REPS1: variants seen among roughly 807,000 people sequenced by gnomAD.
REPS1 encodes the protein RALBP1 associated Eps domain containing 1.
REPS1 carries 39 observed loss-of-function variants against 100.9 expected under a neutral mutation model. That is an observed-to-expected ratio of 0.39 (90% CI 0.30 to 0.50). The LOEUF is 0.50. Among genes scored for constraint, REPS1 ranks in the 20% least tolerant of loss-of-function variants. REPS1 has a pLI of 0.86. For missense variants in REPS1, 821 were observed against 968.5 expected, an observed-to-expected ratio of 0.85 and a Z score of 2.02; for synonymous variants, 324 against 340.3, an observed-to-expected ratio of 0.95 and a Z score of 0.53.
intron 14 of REPS1, among the ~76,000 whole-genome samples, chr6:138,915,406 T>C (rs529028582): frequency 2.5e-4 from 37 of 150,064 alleles, no homozygotes; most frequent in Non-Finnish European, 4.9e-4. Flanking sequence ...AGAAAAGAAA[T>C]TGCCTCTCAT....
At position 138,967,262 on chromosome 6, in the gene REPS1, C is replaced by T. The variant is rs139938050; in HGVS notation, c.154-19349G>A. 8.3e-3 allele frequency among the ~76,000 whole-genome samples: 1,268 copies of T among 152,294 alleles called. 19 individuals are homozygous for T. The highest frequency in any genetic ancestry group is 0.029 in the African/African-American group (1,204 of 41,550). ...TTTTTTTCATTACCAATTACCCAGT[C>T]TATGGTATTCTGTTTAAAATAGCAA... On this transcript the variant is annotated intron_variant, in intron 1 of 19. Transcript: ENST00000450536.
chr6:138,914,685 T>C lies in REPS1; in HGVS notation c.1785+12A>G, dbSNP rs1319960256. The C allele has an allele frequency of 6.2e-7, 1 of 1,607,446 alleles. No individual in the cohort carries two copies. Among genetic ancestry groups the C allele is most frequent in the Non-Finnish European group, 8.5e-7 (1 of 1,173,972 alleles). ...CATGGGACATTTAGTAATAAATACC[T>C]TGGAGAATTACCTGTGAGGGCTGTG... On this transcript the variant is annotated intron_variant, in intron 15 of 19. Coordinates refer to ENST00000450536, the MANE Select transcript of REPS1 (RefSeq NM_001286611.2).
At position 138,926,411 on chromosome 6, in the gene REPS1, G is replaced by T; in HGVS notation, c.1328C>A (p.Pro443Gln). The T allele has an allele frequency of 6.2e-7, 1 of 1,609,732 alleles. No individual in the cohort carries two copies. The highest frequency in any genetic ancestry group is 8.5e-7 in the Non-Finnish European group (1 of 1,176,504). Reference protein sequence around the residue: ...TLTQFDSNIAPADPDTAIVHP... With the variant: ...TLTQFDSNIAQADPDTAIVHP... The stretch of plus-strand genomic sequence containing the variant: ...AAGTGATTGACTTACAGGATCAGCT[G>T]GTGCAATGTTAGAATCAAATTGGGT... The change falls in exon 10 of 20, where the codon CCA (proline) becomes CAA (glutamine). Residue 443 changes from proline to glutamine, a missense_variant. Around this residue, in one of 3 missense-constraint regions of REPS1, gnomAD observed 757 missense variants for 866.4 expected, o/e 0.87. Coordinates refer to ENST00000450536, the MANE Select transcript of REPS1 (RefSeq NM_001286611.2).
intron 1 of REPS1, among the ~76,000 whole-genome samples, chr6:138,967,054 T>C (rs1246789016): frequency 1.3e-5 from 2 of 152,224 alleles, no homozygotes; most frequent in Non-Finnish European, 2.9e-5. Flanking sequence ...GTGAATAGAT[T>C]AATGTAATTT....
chr6:138,984,884 AC>A (rs1247020280), intron 1 of REPS1, among the ~76,000 whole-genome samples: 1 of 152,174 alleles, frequency 6.6e-6, no homozygotes, highest in Non-Finnish European at 1.5e-5. Context: ...TATAGTGGCT[AC>A]CCAGCAGTCC....
At chr6:138,932,809 C>A (rs1452470957) in intron 8 of REPS1, among the ~76,000 whole-genome samples, 1 of 152,152 alleles carries the variant, frequency 6.6e-6, no homozygotes, top group Non-Finnish European at 1.5e-5. Context: ...CTTGTCATTT[C>A]AAGGAAAGCA....
At chr6:138,933,928 G>A (rs11967021) in intron 8 of REPS1, among the ~76,000 whole-genome samples, 35,920 of 151,838 alleles carry the variant, frequency 0.24, 5,097 homozygotes, top group African/African-American at 0.4. Flanking sequence ...TGAAATAAAC[G>A]ACGACGACAA....
chr6:138,917,612 C>G lies in REPS1; in HGVS notation c.1544G>C (p.Ser515Thr). 6.2e-7 allele frequency: 1 copy of G among 1,613,184 alleles called. No individual in the cohort carries two copies. The highest frequency in any genetic ancestry group is 8.5e-7 in the Non-Finnish European group (1 of 1,179,382). ...SGNTVADGYSSSDSFTSDPEQ... is the reference protein window; with the variant it reads ...SGNTVADGYSTSDSFTSDPEQ... ...TGGGTCAGAAGTAAAAGAGTCTGAA[C>G]TACTGTAACCATCTGCTGATAAATG... The change falls in exon 13 of 20, where the codon AGT becomes ACT. Residue 515 changes from serine to threonine, a missense_variant. Physicochemically the swap from Ser to Thr is moderately conservative, Grantham distance 58 (BLOSUM62 1). This residue lies in a region of REPS1 where 757 missense variants were observed against 866.4 expected (regional missense o/e 0.87). Coordinates refer to ENST00000450536, the MANE Select transcript of REPS1 (RefSeq NM_001286611.2).
rs1489909357 is a variant in REPS1 at position 138,987,868 on chromosome 6, C to G, written c.-186G>C. The G allele has an allele frequency of 3.6e-6, 2 of 557,242 alleles. No individual in the cohort carries two copies. Among genetic ancestry groups the G allele is most frequent in the Non-Finnish European group, 5.3e-6 (2 of 375,530 alleles). The allele number at this position is 557,242 out of a possible 1,614,324, so 34.5% of individuals were successfully genotyped here. A position where few individuals can be genotyped will look rare whatever the true frequency, so the allele number is the denominator to read the frequency against. Reference sequence around the variant, plus strand: ...GCCCGGAGGTCGCGAGGAGGGGGCCCGGCTGCGCTCGCCGCGCCGCTGCCT... The same window carrying G: ...GCCCGGAGGTCGCGAGGAGGGGGCCGGGCTGCGCTCGCCGCGCCGCTGCCT... On this transcript the variant is annotated 5_prime_UTR_variant, in exon 1 of 20. Transcript: ENST00000450536.
chr6:138,968,996 C>T (rs1247166511), intron 1 of REPS1, among the ~76,000 whole-genome samples: 1 of 152,182 alleles, frequency 6.6e-6, no homozygotes, highest in African/African-American at 2.4e-5. Context: ...GCTCTACTGC[C>T]TCTCCTTGAT....
intron 1 of REPS1, among the ~76,000 whole-genome samples, chr6:138,963,957 A>G (rs1399596395): frequency 2.6e-5 from 4 of 151,982 alleles, no homozygotes; most frequent in East Asian, 1.9e-4. Flanking sequence ...CCCACTGCCA[A>G]CTCCCTCTTA....
intron 13 of REPS1, 93 bp downstream of exon 13, chr6:138,917,462 G>T (rs2272432): frequency 0.041 from 39,879 of 982,146 alleles, 2,255 homozygotes; most frequent in East Asian, 0.22. Context: ...AGCTTTCAGA[G>T]AACAAAATCA....
chr6:138,973,595 C>CTTTTTTTTTTTTTTTTT (rs1314563600), intron 1 of REPS1, among the ~76,000 whole-genome samples: 1 of 151,514 alleles, frequency 6.6e-6, no homozygotes, highest in Non-Finnish European at 1.5e-5. Flanking sequence ...GACTTTCACT[C>CTTTTTTTTTTTTTTTTT]TTAAGCCCCC....
At chr6:138,930,392 A>G (rs939058456) in intron 8 of REPS1, among the ~76,000 whole-genome samples, 1 of 152,206 alleles carries the variant, frequency 6.6e-6, no homozygotes, top group Non-Finnish European at 1.5e-5. Flanking sequence ...TAATTTTCTG[A>G]TAACAGAAAT....
At chr6:138,948,875 C>G (rs1179025695) in intron 1 of REPS1, among the ~76,000 whole-genome samples, 1 of 152,172 alleles carries the variant, frequency 6.6e-6, no homozygotes, top group East Asian at 1.9e-4. Flanking sequence ...GCAATTGTAT[C>G]ACAACAATAA....
intron 10 of REPS1, among the ~76,000 whole-genome samples, chr6:138,924,847 T>C (rs1284217710): frequency 3.3e-5 from 5 of 152,186 alleles, no homozygotes. Context: ...GTATTTCTCC[T>C]ACATTTTTCA....
intron 1 of REPS1, among the ~76,000 whole-genome samples, chr6:138,982,584 A>G (rs925518234): frequency 1.3e-5 from 2 of 152,200 alleles, no homozygotes; most frequent in East Asian, 3.8e-4. Context: ...GGAAAAGCTG[A>G]CTTTTAAGCC....
At chr6:138,932,473 AC>A (rs1781546517) in intron 8 of REPS1, among the ~76,000 whole-genome samples, 1 of 145,326 alleles carries the variant, frequency 6.9e-6, no homozygotes, top group Admixed American at 6.9e-5. Context: ...CCCCCCACAT[AC>A]ATAAGCATTA....
intron 1 of REPS1, among the ~76,000 whole-genome samples, chr6:138,976,187 A>G (rs1784593404): frequency 6.6e-6 from 1 of 152,236 alleles, no homozygotes; most frequent in African/African-American, 2.4e-5. Flanking sequence ...AAAAAAAACT[A>G]GTATACTCTT....
Sources: gnomAD v4.1 joint callset for allele counts (sites outside exome capture counted in the v4.1 genomes callset) on GRCh38, gnomAD v4.1.1 for gene constraint, gnomAD v4.1.1 regional missense constraint, MANE v1.5 for transcripts, NCBI Gene and HGNC (gene_info 2026-07-23, HGNC 2026-07-21) for gene names.